The following ALG9 variants were observed in gnomAD, a reference collection of about 807,000 sequenced individuals.
ALG9 encodes alpha-1,2-mannosyltransferase ALG9.
Under a neutral mutation model 81.8 loss-of-function variants are expected in ALG9, and 55 were observed. The observed-to-expected ratio is 0.67, with a 90% CI of 0.54 to 0.84. The LOEUF (loss-of-function observed/expected upper bound fraction) is 0.84. Among genes scored for constraint, ALG9 ranks in the 40% least tolerant of loss-of-function variants. ALG9 has a pLI of 0.00. For synonymous variants in ALG9, 278 were observed against 274.3 expected, an observed-to-expected ratio of 1.01 and a Z score of -0.13; for missense variants, 629 against 745.0, an observed-to-expected ratio of 0.84 and a Z score of 1.81.
chr11:111,827,592 C>G (rs1953565362), intron 13 of ALG9, among the ~76,000 whole-genome samples: 1 of 152,220 alleles, frequency 6.6e-6, no homozygotes, highest in Admixed American at 6.5e-5. Flanking sequence ...GATGCCCAGG[C>G]ACAGTGGCTC....
chr11:111,795,727 A>G (rs1250230453), intron 14 of ALG9, among the ~76,000 whole-genome samples: 1 of 152,258 alleles, frequency 6.6e-6, no homozygotes, highest in Non-Finnish European at 1.5e-5. Flanking sequence ...AGAGTGGATC[A>G]TTCCACTGAT....
At chr11:111,819,628 C>T (rs180963658) in intron 13 of ALG9, among the ~76,000 whole-genome samples, 153 of 152,352 alleles carry the variant, frequency 1.0e-3, no homozygotes, top group Non-Finnish European at 7.3e-5. Context: ...GCCACAATGG[C>T]TGACATATGT....
intron 4 of ALG9, 118 bp downstream of exon 4, chr11:111,865,063 C>T (rs1478671383): frequency 3.9e-6 from 3 of 773,694 alleles, no homozygotes; most frequent in Non-Finnish European, 5.9e-6. Flanking sequence ...AGGTGTGAGC[C>T]ACCGCACCCG....
intron 13 of ALG9, 60 bp from the exon 14 acceptor site, chr11:111,809,833 A>C: frequency 6.3e-7 from 1 of 1,593,078 alleles, no homozygotes; most frequent in South Asian, 1.1e-5. Flanking sequence ...CAGGGTAGAG[A>C]ACAGCAATTG....
intron 10 of ALG9, among the ~76,000 whole-genome samples, chr11:111,839,755 A>C (rs1555121803): frequency 6.6e-6 from 1 of 152,190 alleles, no homozygotes; most frequent in Non-Finnish European, 1.5e-5. Context: ...AATAAAGTTC[A>C]ATTACTTTTA....
chr11:111,788,367 G>A (rs1946788120), intron 14 of ALG9: 1 of 453,452 alleles, frequency 2.2e-6, no homozygotes, highest in South Asian at 1.6e-5. Context: ...GATAGAGAAA[G>A]GAGGTTTGGA....
intron 13 of ALG9, among the ~76,000 whole-genome samples, chr11:111,815,523 C>A (rs1951353085): frequency 6.6e-6 from 1 of 152,184 alleles, no homozygotes; most frequent in Non-Finnish European, 1.5e-5. Context: ...ACAACTCAAA[C>A]ACACAAGGAC....
chr11:111,830,860 A>G (rs1327523179), intron 13 of ALG9, among the ~76,000 whole-genome samples: 1 of 152,104 alleles, frequency 6.6e-6, no homozygotes, highest in Non-Finnish European at 1.5e-5. Flanking sequence ...TAAACTAGAA[A>G]TGGAAAGTAA....
chr11:111,853,482 G>C lies in ALG9; in HGVS notation c.793C>G (p.Pro265Ala), dbSNP rs201944855. 6.8e-6 allele frequency: 11 copies of C among 1,612,634 alleles called. No homozygotes were observed. Among genetic ancestry groups the C allele is most frequent in the African/African-American group, 1.3e-5 (1 of 74,966 alleles). The change falls in exon 8 of 15, where the codon CCT becomes GCT. Residue 265 changes from proline to alanine, a missense_variant. Around this residue, in one of 3 missense-constraint regions of ALG9, gnomAD observed 344 missense variants for 390.5 expected, o/e 0.88. Coordinates refer to ENST00000616540, the MANE Select transcript of ALG9 (RefSeq NM_024740.2). ...TAGTAGCTGTCAATGACCACCACAG[G>C]CACCTAAAACAGAGCAGAAAATAGT... Reference protein sequence around the residue: ...SLMALILFLVPVVVIDSYYYG... With the variant: ...SLMALILFLVAVVVIDSYYYG...
chr11:111,832,651 T>G (rs1954584022), intron 13 of ALG9, among the ~76,000 whole-genome samples: 1 of 152,228 alleles, frequency 6.6e-6, no homozygotes, highest in Admixed American at 6.5e-5. Flanking sequence ...TTTGTGGTTT[T>G]TACCACATAT....
intron 1 of ALG9, among the ~76,000 whole-genome samples, chr11:111,870,581 G>T (rs1307681066): frequency 1.3e-5 from 2 of 152,038 alleles, no homozygotes; most frequent in African/African-American, 4.8e-5. Context: ...ATGAGATAGG[G>T]TCTTGCTATG....
chr11:111,871,153 T>C (rs1964174734), intron 1 of ALG9, 199 bp downstream of exon 1: 1 of 1,277,976 alleles, frequency 7.8e-7, no homozygotes, highest in African/African-American at 1.6e-5. Context: ...TACAGCGCAG[T>C]GGAGGGATCT....
At chr11:111,816,388 G>A (rs1372635578) in intron 13 of ALG9, among the ~76,000 whole-genome samples, 5 of 151,118 alleles carry the variant, frequency 3.3e-5, no homozygotes, top group African/African-American at 1.2e-4. Flanking sequence ...TTGGCACTAC[G>A]GGCATGCGCC....
chr11:111,867,838 G>A (rs774269208), intron 3 of ALG9, among the ~76,000 whole-genome samples: 1 of 152,236 alleles, frequency 6.6e-6, no homozygotes, highest in East Asian at 1.9e-4. Context: ...GGCTTCTTTT[G>A]ATACTACTTC....
At chr11:111,811,060 C>T (rs1565764921) in intron 13 of ALG9, among the ~76,000 whole-genome samples, 1 of 152,124 alleles carries the variant, frequency 6.6e-6, no homozygotes, top group South Asian at 2.1e-4. Context: ...GTCCAAAAGA[C>T]TCTACAAATA....
At position 111,784,773 on chromosome 11, in the gene ALG9, T is replaced by C. The variant is rs117091304; in HGVS notation, c.*1624A>G. 6.6e-6 allele frequency: 1 copy of C among 152,200 alleles called. No individual in the cohort carries two copies. Among genetic ancestry groups the C allele is most frequent in the Non-Finnish European group, 1.5e-5 (1 of 68,050 alleles). The allele number at this position is 152,200 out of a possible 1,614,324, so 9.4% of individuals were successfully genotyped here. ...TTCTGAAAAATAGATTCATCCTATT[T>C]GCAGATATTCAGATCAGTTACCCTT... is the stretch of plus-strand genomic sequence containing the variant. On this transcript the variant is annotated 3_prime_UTR_variant, in exon 15 of 15. Coordinates refer to ENST00000616540, the MANE Select transcript of ALG9 (RefSeq NM_024740.2).
chr11:111,776,995 GA>G, the ALG9 span, among the ~76,000 whole-genome samples: 1 of 152,198 alleles, frequency 6.6e-6, no homozygotes, highest in South Asian at 2.1e-4. Flanking sequence ...CTTGGACTTT[GA>G]AAAATCTTTT....
chr11:111,812,135 T>C (rs1555092029), intron 13 of ALG9, among the ~76,000 whole-genome samples: 1 of 152,240 alleles, frequency 6.6e-6, no homozygotes. Context: ...ATTATAAATA[T>C]GTCAATTCTA....
At chr11:111,861,470 C>T (rs1295397634) in intron 4 of ALG9, among the ~76,000 whole-genome samples, 2 of 152,094 alleles carry the variant, frequency 1.3e-5, no homozygotes, top group East Asian at 3.8e-4. Context: ...TCCTTTCTTC[C>T]CCTCCTCCTC....
Sources: gnomAD v4.1 joint callset for allele counts (sites outside exome capture counted in the v4.1 genomes callset) on GRCh38, gnomAD v4.1.1 for gene constraint, gnomAD v4.1.1 regional missense constraint, MANE v1.5 for transcripts, NCBI Gene and HGNC (gene_info 2026-07-23, HGNC 2026-07-21) for gene names.